ZNF469: variants seen among roughly 807,000 people sequenced by gnomAD.
ZNF469 encodes zinc finger protein 469.
A neutral mutation model predicts 1.0 loss-of-function variants in ZNF469; 1 was observed. The ratio of observed to expected loss-of-function variants is 1.00; its 90% confidence interval spans 0.35 to 4.73. The LOEUF (loss-of-function observed/expected upper bound fraction) is 4.73. Ranked by LOEUF, ZNF469 falls within the 30% of genes most tolerant of loss-of-function variation. ZNF469 has a pLI of 0.16. For synonymous variants in ZNF469, 2,703 were observed against 2,363.4 expected (o/e 1.14, Z -4.17); for missense variants, 6,100 against 5,356.3 (o/e 1.14, Z -4.33).
chr16:88,220,228 G>A, the ZNF469 span, among the ~76,000 whole-genome samples: 3 of 152,194 alleles, frequency 2.0e-5, no homozygotes, highest in African/African-American at 7.2e-5. Flanking sequence ...TGCTACTGGG[G>A]TCCTGAAGCA....
chr16:88,161,715 A>T, the ZNF469 span, among the ~76,000 whole-genome samples: 1 of 151,286 alleles, frequency 6.6e-6, no homozygotes, highest in African/African-American at 2.4e-5. Flanking sequence ...TTGTAAGGGG[A>T]AAAAAAAAGC....
At chr16:88,421,117 G>A (rs1426803177) in intron 1 of ZNF469, among the ~76,000 whole-genome samples, 6 of 151,746 alleles carry the variant, frequency 4.0e-5, no homozygotes, top group Non-Finnish European at 7.4e-5. Context: ...GAGGAGGTGA[G>A]GCGAAGAGGG....
chr16:88,338,487 C>T, the ZNF469 span, among the ~76,000 whole-genome samples: 721 of 152,276 alleles, frequency 4.7e-3, 6 homozygotes, highest in Non-Finnish European at 8.5e-3. Context: ...GGTGTGTTTG[C>T]CCCGCACAAG....
the ZNF469 span, among the ~76,000 whole-genome samples, chr16:88,275,802 G>A: frequency 6.6e-6 from 1 of 152,198 alleles, no homozygotes; most frequent in Non-Finnish European, 1.5e-5. Flanking sequence ...GACTCTTGTT[G>A]CGGCATGGCG....
chr16:88,226,401 G>A, the ZNF469 span, among the ~76,000 whole-genome samples: 48 of 152,058 alleles, frequency 3.2e-4, 2 homozygotes, highest in Admixed American at 2.4e-3. Context: ...TGGTGCAGCT[G>A]CCCACTGAGG....
At chr16:88,107,931 G>T in the ZNF469 span, among the ~76,000 whole-genome samples, 2 of 152,232 alleles carry the variant, frequency 1.3e-5, no homozygotes, top group African/African-American at 2.4e-5. Context: ...CCTGGTAATG[G>T]CTGAGGGCTG....
chr16:88,172,205 GC>G, the ZNF469 span, among the ~76,000 whole-genome samples: 6 of 152,316 alleles, frequency 3.9e-5, no homozygotes, highest in Admixed American at 2.0e-4. Context: ...TGCAGAGAGG[GC>G]CCCTGGGGTT....
intron 1 of ZNF469, among the ~76,000 whole-genome samples, chr16:88,409,820 C>T (rs1484057816): frequency 8.5e-6 from 1 of 117,714 alleles, no homozygotes; most frequent in Admixed American, 1.2e-4. Context: ...GCTCAGTGGC[C>T]TGTGAGCGGA....
At chr16:88,418,762 C>T (rs111634572) in intron 1 of ZNF469, among the ~76,000 whole-genome samples, 2,261 of 152,312 alleles carry the variant, frequency 0.015, 22 homozygotes, top group Middle Eastern at 0.058. Flanking sequence ...ACTTACCCTC[C>T]GGGCCATATC....
upstream of ZNF469, among the ~76,000 whole-genome samples, chr16:88,382,054 C>A (rs992932086): frequency 1.3e-5 from 2 of 152,224 alleles, no homozygotes; most frequent in Non-Finnish European, 2.9e-5. Context: ...TCTGCGAAGT[C>A]CCCCCACTGC....
chr16:88,195,960 C>T, the ZNF469 span, among the ~76,000 whole-genome samples: 1 of 152,226 alleles, frequency 6.6e-6, no homozygotes, highest in Non-Finnish European at 1.5e-5. Flanking sequence ...ACTTGGGAAA[C>T]TGGAATTATT....
the ZNF469 span, among the ~76,000 whole-genome samples, chr16:88,129,119 CA>C: frequency 1.3e-5 from 2 of 152,238 alleles, no homozygotes; most frequent in East Asian, 3.8e-4. Flanking sequence ...CTCCAACTAT[CA>C]AAAAGTACCT....
the ZNF469 span, among the ~76,000 whole-genome samples, chr16:88,343,172 GT>G: frequency 4.2e-5 from 5 of 119,558 alleles, no homozygotes; most frequent in African/African-American, 1.9e-4. Context: ...TCCTGGGTCC[GT>G]GGTAGCCCAC....
chr16:88,295,598 C>T, the ZNF469 span, among the ~76,000 whole-genome samples: 17 of 152,130 alleles, frequency 1.1e-4, no homozygotes, highest in Non-Finnish European at 2.2e-4. Context: ...GATTAGAGGG[C>T]TATCTGAAAG....
the ZNF469 span, among the ~76,000 whole-genome samples, chr16:88,255,301 T>C: frequency 6.6e-6 from 1 of 152,230 alleles, no homozygotes; most frequent in South Asian, 2.1e-4. Flanking sequence ...CTAAGCCAGA[T>C]GGGTTCTATG....
At chr16:88,114,739 C>T in the ZNF469 span, among the ~76,000 whole-genome samples, 3 of 152,190 alleles carry the variant, frequency 2.0e-5, no homozygotes, top group African/African-American at 7.2e-5. Flanking sequence ...GGTGAGTCGG[C>T]TTGCTGGGCC....
At chr16:88,350,279 C>T in the ZNF469 span, among the ~76,000 whole-genome samples, 7 of 152,264 alleles carry the variant, frequency 4.6e-5, no homozygotes, top group Non-Finnish European at 7.3e-5. Context: ...CCTGCCCCCC[C>T]GTCCGCTCCC....
the ZNF469 span, among the ~76,000 whole-genome samples, chr16:88,208,590 GGAGA>G: frequency 1.9e-5 from 1 of 53,868 alleles, no homozygotes; most frequent in African/African-American, 5.4e-5. Context: ...AGAGAGGGAG[GGAGA>G]GAAAGGGAGG....
chr16:88,421,506 G>A (rs1341090273), intron 1 of ZNF469, among the ~76,000 whole-genome samples: 1 of 152,192 alleles, frequency 6.6e-6, no homozygotes, highest in Non-Finnish European at 1.5e-5. Flanking sequence ...CAGCTCCAAG[G>A]ACTGGGACGC....
Sources: gnomAD v4.1 joint callset for allele counts (sites outside exome capture counted in the v4.1 genomes callset) on GRCh38, gnomAD v4.1.1 for gene constraint, MANE v1.5 for transcripts, NCBI Gene and HGNC (gene_info 2026-07-23, HGNC 2026-07-21) for gene names.